SCAI: variants seen among roughly 807,000 people sequenced by gnomAD.
SCAI encodes the protein suppressor of cancer cell invasion, also known as protein SCAI.
SCAI carries 24 observed loss-of-function variants against 92.2 expected under a neutral mutation model. The observed-to-expected ratio is 0.26, with a 90% confidence interval of 0.19 to 0.37. The LOEUF is 0.37. SCAI is among the 10% of genes least tolerant of loss of function. The pLI is 1.00. For synonymous variants in SCAI, 261 were observed against 258.6 expected (o/e 1.01, Z -0.09); for missense variants, 450 against 736.2 (o/e 0.61, Z 4.50).
At chr9:125,051,294 A>AT (rs1833555680) in intron 3 of SCAI, among the ~76,000 whole-genome samples, 1 of 152,210 alleles carries the variant, frequency 6.6e-6, no homozygotes, top group East Asian at 1.9e-4. Context: ...AAGTGCTGGG[A>AT]TTACAGGCGT....
intron 3 of SCAI, among the ~76,000 whole-genome samples, chr9:125,054,304 A>G (rs1051345607): frequency 6.6e-6 from 1 of 152,100 alleles, no homozygotes; most frequent in African/African-American, 2.4e-5. Flanking sequence ...CTTAATTTCA[A>G]TAGGCACACA....
intron 2 of SCAI, among the ~76,000 whole-genome samples, chr9:125,090,054 T>C (rs1834400142): frequency 6.6e-6 from 1 of 152,182 alleles, no homozygotes; most frequent in South Asian, 2.1e-4. Context: ...AGCAAGCATG[T>C]AGTGCCCTAG....
chr9:125,123,543 G>A (rs758297835), intron 2 of SCAI, among the ~76,000 whole-genome samples: 2 of 152,198 alleles, frequency 1.3e-5, no homozygotes, highest in African/African-American at 2.4e-5. Flanking sequence ...TCGGGAGGCC[G>A]AGGCAGGTGG....
intron 2 of SCAI, among the ~76,000 whole-genome samples, chr9:125,137,260 G>T (rs1835559272): frequency 1.3e-5 from 2 of 152,102 alleles, no homozygotes; most frequent in Non-Finnish European, 2.9e-5. Flanking sequence ...ACATGATCAG[G>T]ATCTAACCTA....
At chr9:124,968,944 G>GAAAA in intron 17 of SCAI, 1 of 249,666 alleles carries the variant, frequency 4.0e-6, no homozygotes, top group South Asian at 4.8e-5. Flanking sequence ...TTATTTTTTG[G>GAAAA]AAAAAAAAAA....
chr9:125,064,187 G>A (rs73577888), intron 2 of SCAI, among the ~76,000 whole-genome samples: 2,333 of 152,134 alleles, frequency 0.015, 63 homozygotes, highest in African/African-American at 0.053. Context: ...ATATCCCTCA[G>A]TAACTAACAA....
intron 2 of SCAI, among the ~76,000 whole-genome samples, chr9:125,139,080 G>A (rs954229077): frequency 3.3e-5 from 5 of 152,138 alleles, no homozygotes; most frequent in Non-Finnish European, 7.3e-5. Flanking sequence ...CAAGGAGCAA[G>A]GAGAAAGTAC....
chr9:124,992,587 T>C (rs371459983), intron 14 of SCAI, among the ~76,000 whole-genome samples: 3 of 151,754 alleles, frequency 2.0e-5, no homozygotes, highest in East Asian at 3.9e-4. Flanking sequence ...TTTCACCACG[T>C]TGGCCAGGCT....
chr9:125,057,969 C>G (rs1833704341), intron 2 of SCAI, among the ~76,000 whole-genome samples: 1 of 151,906 alleles, frequency 6.6e-6, no homozygotes, highest in Non-Finnish European at 1.5e-5. Context: ...TGGCAGGTGC[C>G]TACTCAGCTA....
chr9:124,982,608 A>T (rs1250131069), intron 14 of SCAI, among the ~76,000 whole-genome samples: 1 of 146,880 alleles, frequency 6.8e-6, no homozygotes, highest in Non-Finnish European at 1.5e-5. Context: ...TGAACCCGGG[A>T]GGCAGAGGTT....
chr9:124,980,049 C>CAAAA (rs34760799), intron 14 of SCAI, among the ~76,000 whole-genome samples: 1 of 80,986 alleles, frequency 1.2e-5, no homozygotes, highest in Non-Finnish European at 2.5e-5. Flanking sequence ...GACTCCGTCT[C>CAAAA]AAAAAAAAAA....
chr9:125,100,736 C>A (rs1474449603), intron 2 of SCAI, among the ~76,000 whole-genome samples: 2 of 152,076 alleles, frequency 1.3e-5, no homozygotes. Flanking sequence ...GGACAAAGAG[C>A]TGCAATTGGA....
intron 2 of SCAI, among the ~76,000 whole-genome samples, chr9:125,079,490 C>T (rs558422420): frequency 5.9e-4 from 90 of 152,274 alleles, no homozygotes; most frequent in South Asian, 1.7e-3. Context: ...CTGTTCTTTG[C>T]TTCTTAGTAA....
At position 124,994,976 on chromosome 9, in the gene SCAI, T is replaced by C. The variant is rs750977577; in HGVS notation, c.1284A>G (p.Pro428=). Residue 428 remains proline (P), a synonymous_variant, in exon 14 of 18, where the codon CCA becomes CCG. Transcript: ENST00000336505. Reference sequence around the variant, plus strand: ...TAGACGAATCCACAATGATGAACAGTGGCTTCCTGGTGAAAGGATAGAGAT... The same window carrying C: ...TAGACGAATCCACAATGATGAACAGCGGCTTCCTGGTGAAAGGATAGAGAT... The part of the protein sequence containing the change: ...PGDLYPFTRK[P]LFIIVDSSNS... 6.2e-7 allele frequency: 1 copy of C among 1,612,904 alleles called. No individual in the cohort carries two copies. Among genetic ancestry groups the C allele is most frequent in the East Asian group, 2.2e-5 (1 of 44,874 alleles).
At chr9:125,069,937 T>TA (rs1193961661) in intron 2 of SCAI, among the ~76,000 whole-genome samples, 2 of 152,062 alleles carry the variant, frequency 1.3e-5, no homozygotes, top group African/African-American at 4.8e-5. Context: ...CTCATATTTT[T>TA]AAAAAACATA....
At chr9:124,961,135 A>G (rs891037116) in intron 17 of SCAI, among the ~76,000 whole-genome samples, 1 of 151,780 alleles carries the variant, frequency 6.6e-6, no homozygotes, top group African/African-American at 2.4e-5. Context: ...AATTAAAAAA[A>G]AAAAAAAAAA....
At chr9:125,058,072 C>A (rs11793512) in intron 2 of SCAI, among the ~76,000 whole-genome samples, 14,047 of 151,110 alleles carry the variant, frequency 0.093, 843 homozygotes, top group Non-Finnish European at 0.13. Flanking sequence ...GCACTTCAGC[C>A]TGAGTGACAG....
At chr9:125,028,261 C>G (rs1446443860) in intron 5 of SCAI, 131 bp downstream of exon 5, 1 of 569,912 alleles carries the variant, frequency 1.8e-6, no homozygotes, top group East Asian at 3.6e-5. Flanking sequence ...TCAATCTGGT[C>G]CGAACTACTA....
intron 2 of SCAI, among the ~76,000 whole-genome samples, chr9:125,057,534 C>T (rs1833693396): frequency 6.6e-6 from 1 of 152,210 alleles, no homozygotes; most frequent in Non-Finnish European, 1.5e-5. Context: ...ATTCTCTTCC[C>T]TTCCTGAAAA....
Sources: gnomAD v4.1 joint callset for allele counts (sites outside exome capture counted in the v4.1 genomes callset) on GRCh38, gnomAD v4.1.1 for gene constraint, MANE v1.5 for transcripts, NCBI Gene and HGNC (gene_info 2026-07-23, HGNC 2026-07-21) for gene names.